DEPTOR: variants seen among roughly 807,000 people sequenced by gnomAD.
DEPTOR encodes DEP domain containing MTOR interacting protein, also known as DEP domain-containing mTOR-interacting protein.
A neutral mutation model predicts 41.6 loss-of-function variants in DEPTOR; 41 were observed. The ratio of observed to expected loss-of-function variants is 0.98; its 90% CI spans 0.77 to 1.28. The LOEUF is 1.28. DEPTOR is among the 50% of genes most tolerant of loss of function. The pLI, the probability that DEPTOR is intolerant of heterozygous loss-of-function variation, is 0.00. For missense variants in DEPTOR, 514 were observed against 527.9 expected, an observed-to-expected ratio of 0.97 and a Z score of 0.26; for synonymous variants, 195 against 192.3, an observed-to-expected ratio of 1.01 and a Z score of -0.12.
rs549389491 is a variant in DEPTOR at position 119,898,089 on chromosome 8, A to C, written c.122+24121A>C. On this transcript the variant is annotated intron_variant, in intron 1 of 8. Transcript: ENST00000286234. ...ATGGCTACCTGTATAATAAAGTTTT[A>C]CTGAAACACAGTCATGCCCACTGAT... 2.6e-5 allele frequency among the ~76,000 whole-genome samples: 4 copies of C among 152,370 alleles called. No individual in the cohort carries two copies. The East Asian group carries it at 7.7e-4, about 29-fold the overall frequency.
intron 3 of DEPTOR, among the ~76,000 whole-genome samples, chr8:119,932,552 G>A (rs1828058535): frequency 6.6e-6 from 1 of 152,208 alleles, no homozygotes; most frequent in African/African-American, 2.4e-5. Flanking sequence ...CCCTTCAGGA[G>A]ATGCATTAAT....
chr8:120,038,874 T>C (rs1316101310), intron 8 of DEPTOR, among the ~76,000 whole-genome samples: 1 of 152,114 alleles, frequency 6.6e-6, no homozygotes. Context: ...GAAATAAAAA[T>C]AATAGGACCT....
At chr8:120,002,625 A>G (rs1812366051) in intron 5 of DEPTOR, among the ~76,000 whole-genome samples, 1 of 150,572 alleles carries the variant, frequency 6.6e-6, no homozygotes, top group Admixed American at 6.7e-5. Flanking sequence ...TAAAAGTACA[A>G]AATTTAGCCG....
intron 1 of DEPTOR, among the ~76,000 whole-genome samples, chr8:119,906,072 C>T (rs1827659628): frequency 6.6e-6 from 1 of 152,154 alleles, no homozygotes; most frequent in South Asian, 2.1e-4. Context: ...GGATTATAGG[C>T]ATGAGCCACT....
At chr8:119,974,192 A>G (rs1828667823) in intron 4 of DEPTOR, among the ~76,000 whole-genome samples, 1 of 128,498 alleles carries the variant, frequency 7.8e-6, no homozygotes, top group Non-Finnish European at 1.6e-5. Context: ...TGAGGACAGG[A>G]GTTCGGGACC....
intron 4 of DEPTOR, among the ~76,000 whole-genome samples, chr8:119,969,104 A>G (rs1395375696): frequency 1.3e-5 from 2 of 152,008 alleles, no homozygotes; most frequent in African/African-American, 4.8e-5. Context: ...CAAAAAAAAA[A>G]AAGTCAGATG....
rs150140892 is a variant in DEPTOR, at chr8:120,020,097, G to A, written c.1101+10964G>A. Among the ~76,000 whole-genome samples, 713 of 151,876 alleles carry A rather than the reference G, an allele frequency of 4.7e-3. 10 individuals carry two copies. The highest frequency in any genetic ancestry group is 0.016 in the African/African-American group (653 of 41,406). On this transcript the variant is annotated intron_variant, in intron 8 of 8. Transcript: ENST00000286234. Reference sequence around the variant, plus strand: ...TTTTTTTGTTTGTTTTTTCTTGTTTGTTTGTTTTGAGACAGAGTCTCACTC... The same window carrying A: ...TTTTTTTGTTTGTTTTTTCTTGTTTATTTGTTTTGAGACAGAGTCTCACTC...
rs749445568 is a variant in DEPTOR, at chr8:119,928,576, A to G, written c.299A>G (p.His100Arg). The change falls in exon 2 of 9, where the codon CAT becomes CGT. Residue 100 changes from histidine to arginine, a missense_variant and splice_region_variant. By Grantham distance (29) the His-to-Arg change is conservative (BLOSUM62 0). Transcript: ENST00000286234. ...TTAGCAGACCGGGGCATTATTCACC[A>G]TGGTGAGTGCGGTGGCGAGTCAAGG... ...QKLADRGIIH[H>R]VCDEHKEFKD... 3.7e-6 allele frequency: 6 copies of G among 1,613,908 alleles called. No homozygotes were observed. The highest frequency in any genetic ancestry group is 1.7e-6 in the Non-Finnish European group (2 of 1,179,960).
intron 3 of DEPTOR, among the ~76,000 whole-genome samples, chr8:119,956,889 C>A (rs1417990585): frequency 6.6e-6 from 1 of 152,056 alleles, no homozygotes; most frequent in Non-Finnish European, 1.5e-5. Context: ...CACCCACCAC[C>A]ACACCCAGCT....
chr8:119,916,660 A>G (rs757288616), intron 1 of DEPTOR, among the ~76,000 whole-genome samples: 2 of 152,210 alleles, frequency 1.3e-5, no homozygotes, highest in Admixed American at 6.5e-5. Context: ...CATTGCTTAT[A>G]TACAGGTGGT....
chr8:120,022,323 G>A (rs1385036565), intron 8 of DEPTOR, among the ~76,000 whole-genome samples: 2 of 152,074 alleles, frequency 1.3e-5, no homozygotes, highest in African/African-American at 4.8e-5. Context: ...TGCTAAGTTT[G>A]TTTAACGTTT....
chr8:119,903,659 A>G (rs1233206236), intron 1 of DEPTOR, among the ~76,000 whole-genome samples: 1 of 152,128 alleles, frequency 6.6e-6, no homozygotes, highest in Non-Finnish European at 1.5e-5. Context: ...CGTCATGTCA[A>G]CTATGAGAGT....
chr8:119,946,793 A>T (rs766625073), intron 3 of DEPTOR, among the ~76,000 whole-genome samples: 1 of 152,216 alleles, frequency 6.6e-6, no homozygotes, highest in African/African-American at 2.4e-5. Flanking sequence ...TATGCTAAAC[A>T]AAATTAACTT....
chr8:120,045,063 G>T (rs1393518606), intron 8 of DEPTOR, among the ~76,000 whole-genome samples: 1 of 152,142 alleles, frequency 6.6e-6, no homozygotes, highest in Non-Finnish European at 1.5e-5. Context: ...TGTGACAGAG[G>T]GTCTTCACCT....
chr8:119,921,368 G>T (rs888143770), intron 1 of DEPTOR, among the ~76,000 whole-genome samples: 1 of 152,166 alleles, frequency 6.6e-6, no homozygotes, highest in African/African-American at 2.4e-5. Flanking sequence ...ACATACGTGT[G>T]CAGTGTGAAA....
chr8:119,874,040 ACGCG>A (rs1421395795), intron 1 of DEPTOR, 72 bp downstream of exon 1: 1 of 1,589,234 alleles, frequency 6.3e-7, no homozygotes, highest in African/African-American at 1.4e-5. Flanking sequence ...TCCTGCGCGC[ACGCG>A]CTCCCTGGCT....
At chr8:119,925,594 C>T (rs1827954287) in intron 1 of DEPTOR, among the ~76,000 whole-genome samples, 1 of 152,078 alleles carries the variant, frequency 6.6e-6, no homozygotes, top group Admixed American at 6.6e-5. Context: ...CACAGTCAAA[C>T]CATATCAGCC....
chr8:119,940,913 T>A (rs76535431), intron 3 of DEPTOR, among the ~76,000 whole-genome samples: 2,310 of 151,966 alleles, frequency 0.015, 62 homozygotes, highest in African/African-American at 0.053. Context: ...TTCATAGAGA[T>A]GGAAAGTAGA....
intron 4 of DEPTOR, among the ~76,000 whole-genome samples, chr8:119,999,184 G>A (rs1328966725): frequency 6.6e-6 from 1 of 151,262 alleles, no homozygotes; most frequent in East Asian, 1.9e-4. Flanking sequence ...CAGGAGAATC[G>A]CTTGAACCCG....
Sources: allele counts gnomAD v4.1 joint callset (sites outside exome capture counted in the v4.1 genomes callset), GRCh38; gene constraint gnomAD v4.1.1; transcripts MANE v1.5; gene names NCBI Gene and HGNC (gene_info 2026-07-23, HGNC 2026-07-21).